The following NBAS variants were observed in gnomAD, a reference collection of about 807,000 sequenced individuals.
NBAS encodes the protein NAG/BC035112 fusion.
A neutral mutation model predicts 302.5 loss-of-function variants in NBAS; 219 were observed. That is an observed-to-expected ratio of 0.72 (90% CI 0.65 to 0.81). The LOEUF (loss-of-function observed/expected upper bound fraction) is 0.81. Ranked by LOEUF, NBAS falls within the 30% of genes least tolerant of loss-of-function variation. The probability of loss-of-function intolerance (pLI) is 0.00; values close to 1 mark genes in which losing one functional copy is unlikely to be tolerated. For synonymous variants in NBAS, 1,118 were observed against 1,021.6 expected (o/e 1.09, Z -1.80); for missense variants, 2,932 against 2,841.6 (o/e 1.03, Z -0.72).
At chr2:15,101,795 T>G in the NBAS span, among the ~76,000 whole-genome samples, 4 of 152,348 alleles carry the variant, frequency 2.6e-5, no homozygotes, top group African/African-American at 9.6e-5. Flanking sequence ...GAAACTCATT[T>G]TCCTGCATTC....
In NBAS at chr2:15,417,670, T is replaced by A; in HGVS notation, c.2620A>T (p.Asn874Tyr). 6.2e-7 allele frequency: 1 copy of A among 1,613,990 alleles called. No individual in the cohort carries two copies. The highest frequency in any genetic ancestry group is 1.3e-5 in the African/African-American group (1 of 75,030). Residue 874 changes from asparagine to tyrosine, a missense_variant, in exon 24 of 52, where the codon AAT (asparagine) becomes TAT (tyrosine). Physicochemically the swap from Asn to Tyr is moderately radical, Grantham distance 143. Transcript: ENST00000281513. The part of the protein sequence containing the change: ...LSLIRLGMER[N>Y]IPGLLVLCDN... ...CAGAGAACCAGCAAACCAGGAATAT[T>A]CCGCTCCATCCCAAGTCGAATAAGT...
the NBAS span, among the ~76,000 whole-genome samples, chr2:14,896,278 A>G: frequency 6.6e-6 from 1 of 152,132 alleles, no homozygotes; most frequent in African/African-American, 2.4e-5. Context: ...CAGCTCAGCC[A>G]ATACGCTATG....
intron 35 of NBAS, among the ~76,000 whole-genome samples, chr2:15,333,901 G>T (rs535753503): frequency 5.3e-5 from 8 of 149,848 alleles, no homozygotes; most frequent in Non-Finnish European, 1.2e-4. Context: ...GACCAGGTTC[G>T]TACAGAGAGG....
At position 15,428,642 on chromosome 2, in the gene NBAS, T is replaced by A. The variant is rs562258297; in HGVS notation, c.2340-848A>T. On this transcript the variant is annotated intron_variant, in intron 21 of 51. Coordinates refer to ENST00000281513, the MANE Select transcript of NBAS (RefSeq NM_015909.4). Reference sequence around the variant, plus strand: ...GTGTCCCAACCACTCAGAAAGCTGATGTAGGAGGATCGCTTGAGCCCTACT... The same window carrying A: ...GTGTCCCAACCACTCAGAAAGCTGAAGTAGGAGGATCGCTTGAGCCCTACT... 5.3e-5 allele frequency among the ~76,000 whole-genome samples: 8 copies of A among 152,204 alleles called. No individual in the cohort carries two copies. In the East Asian group the frequency reaches 1.5e-3, roughly 29 times the overall value.
intron 38 of NBAS, among the ~76,000 whole-genome samples, chr2:15,323,016 G>T (rs181642052): frequency 6.6e-6 from 1 of 151,884 alleles, no homozygotes. Flanking sequence ...TGTTTTTATC[G>T]CTCAATGATA....
chr2:15,295,260 T>C (rs745563989), intron 40 of NBAS, among the ~76,000 whole-genome samples: 52 of 152,326 alleles, frequency 3.4e-4, no homozygotes, highest in Non-Finnish European at 3.1e-4. Flanking sequence ...AGAATGAGCA[T>C]GGTTATTGCT....
At chr2:15,249,450 G>A (rs1351781708) in intron 44 of NBAS, among the ~76,000 whole-genome samples, 1 of 152,142 alleles carries the variant, frequency 6.6e-6, no homozygotes, top group Non-Finnish European at 1.5e-5. Flanking sequence ...ACATAGTATT[G>A]GAAGTTCTGG....
intron 51 of NBAS, among the ~76,000 whole-genome samples, chr2:15,169,266 G>A (rs1664180382): frequency 6.6e-6 from 1 of 152,092 alleles, no homozygotes; most frequent in Non-Finnish European, 1.5e-5. Flanking sequence ...TTGAACTCCA[G>A]GAATTTACCT....
At chr2:14,822,762 G>A in the NBAS span, among the ~76,000 whole-genome samples, 1 of 152,228 alleles carries the variant, frequency 6.6e-6, no homozygotes, top group South Asian at 2.1e-4. Context: ...TGTTATGAAT[G>A]TAAGATTGTA....
At chr2:15,031,988 A>G in the NBAS span, among the ~76,000 whole-genome samples, 4 of 152,226 alleles carry the variant, frequency 2.6e-5, no homozygotes, top group African/African-American at 4.8e-5. Flanking sequence ...AACTAACCAG[A>G]GAAGGAACAG....
chr2:15,018,820 G>T, the NBAS span, among the ~76,000 whole-genome samples: 36 of 151,826 alleles, frequency 2.4e-4, no homozygotes, highest in African/African-American at 8.2e-4. Context: ...AGATAAAAAC[G>T]CTTTTCTTTT....
intron 20 of NBAS, 101 bp from the exon 21 acceptor site, chr2:15,461,438 G>A (rs1012375423): frequency 1.6e-6 from 2 of 1,238,202 alleles, no homozygotes; most frequent in Non-Finnish European, 2.4e-6. Context: ...ATGCAGCTCT[G>A]ATATGAAACA....
chr2:15,493,830 T>A (rs1347178384), intron 11 of NBAS, among the ~76,000 whole-genome samples: 1 of 20,358 alleles, frequency 4.9e-5, no homozygotes, highest in Non-Finnish European at 1.4e-4. Flanking sequence ...CAATTTTCTC[T>A]TTTTTTTTTT....
chr2:15,093,514 T>A, the NBAS span, among the ~76,000 whole-genome samples: 438 of 152,356 alleles, frequency 2.9e-3, 3 homozygotes, highest in African/African-American at 0.01. Context: ...GAAGTATTAA[T>A]TGGTGCAGAT....
chr2:14,921,330 C>T, the NBAS span, among the ~76,000 whole-genome samples: 4 of 152,038 alleles, frequency 2.6e-5, no homozygotes, highest in Non-Finnish European at 5.9e-5. Flanking sequence ...TGACTGATCA[C>T]AGATCACAAT....
the NBAS span, among the ~76,000 whole-genome samples, chr2:14,848,868 G>T: frequency 6.6e-6 from 1 of 150,924 alleles, no homozygotes; most frequent in East Asian, 1.9e-4. Flanking sequence ...TGAGGGTCCT[G>T]TCTGTTAGAA....
At chr2:15,210,171 A>C (rs575447722) in intron 48 of NBAS, among the ~76,000 whole-genome samples, 4 of 152,318 alleles carry the variant, frequency 2.6e-5, no homozygotes, top group African/African-American at 9.6e-5. Flanking sequence ...GGAAACAATC[A>C]ACAAAGTGAA....
chr2:15,041,186 T>C, the NBAS span, among the ~76,000 whole-genome samples: 6 of 152,186 alleles, frequency 3.9e-5, no homozygotes, highest in African/African-American at 1.2e-4. Flanking sequence ...CTCACCACTA[T>C]TGGGAGTTTT....
chr2:15,269,256 G>T (rs1312079499), intron 44 of NBAS, among the ~76,000 whole-genome samples: 1 of 152,186 alleles, frequency 6.6e-6, no homozygotes, highest in Non-Finnish European at 1.5e-5. Flanking sequence ...CTCTGCCAGA[G>T]GAGGCAGTAT....
Sources: allele counts gnomAD v4.1 joint callset (sites outside exome capture counted in the v4.1 genomes callset), GRCh38; gene constraint gnomAD v4.1.1; transcripts MANE v1.5; gene names NCBI Gene and HGNC (gene_info 2026-07-23, HGNC 2026-07-21).